The following DOCK3 variants were observed in gnomAD, a reference collection of about 807,000 sequenced individuals.
The protein encoded by DOCK3 is dedicator of cytokinesis protein 3.
In DOCK3, 60 loss-of-function variants were observed where a neutral mutation model predicts 265.6. The ratio of observed to expected loss-of-function variants is 0.23; its 90% CI spans 0.18 to 0.28. DOCK3 has a LOEUF of 0.28. Ranked by LOEUF, DOCK3 falls within the 10% of genes least tolerant of loss-of-function variation. The pLI is 1.00. For missense variants in DOCK3, 1,981 were observed against 2,594.3 expected (o/e 0.76, Z 5.14); for synonymous variants, 881 against 938.0 (o/e 0.94, Z 1.11).
At chr3:50,960,630 A>C (rs1175790159) in intron 5 of DOCK3, among the ~76,000 whole-genome samples, 1 of 152,028 alleles carries the variant, frequency 6.6e-6, no homozygotes, top group Non-Finnish European at 1.5e-5. Context: ...ATTTTCTACC[A>C]GTGTGTGGCT....
intron 23 of DOCK3, among the ~76,000 whole-genome samples, chr3:51,262,063 G>A (rs939804661): frequency 6.6e-6 from 1 of 152,234 alleles, no homozygotes; most frequent in Non-Finnish European, 1.5e-5. Flanking sequence ...CTCGAGCTCT[G>A]CTAAGGGACA....
At chr3:50,677,092 A>ACACAC (rs1174533696) in intron 1 of DOCK3, among the ~76,000 whole-genome samples, 3 of 152,334 alleles carry the variant, frequency 2.0e-5, no homozygotes, top group African/African-American at 7.2e-5. Flanking sequence ...AGCTTTAGAA[A>ACACAC]AATTGTTATT....
At chr3:50,839,931 G>T (rs1473617465) in intron 2 of DOCK3, among the ~76,000 whole-genome samples, 1 of 150,992 alleles carries the variant, frequency 6.6e-6, no homozygotes, top group Non-Finnish European at 1.5e-5. Context: ...ACCATGCCTG[G>T]CTAATTTTTG....
In DOCK3 at chr3:51,146,604, A is replaced by T. The variant is rs1213579610; in HGVS notation, c.802A>T (p.Ile268Leu). The T allele has an allele frequency of 6.3e-7, 1 of 1,595,674 alleles. No homozygotes were observed. The highest frequency in any genetic ancestry group is 8.5e-7 in the Non-Finnish European group (1 of 1,170,620). Residue 268 changes from isoleucine to leucine, a missense_variant, in exon 10 of 53, where the codon ATA becomes TTA. Coordinates refer to ENST00000266037, the MANE Select transcript of DOCK3 (RefSeq NM_004947.5). ...KNGGPRNPEK[I>L]ERMCALFTDL... ...TGGTGGGCCGAGGAACCCAGAGAAG[A>T]TAGAACGAATGTGTGCCCTTTTTAC... is the stretch of plus-strand genomic sequence containing the variant.
chr3:50,866,444 CACCG>C (rs574793831), intron 3 of DOCK3, among the ~76,000 whole-genome samples: 216 of 150,812 alleles, frequency 1.4e-3, no homozygotes, highest in African/African-American at 5.1e-3. Flanking sequence ...GAGATCATGG[CACCG>C]CACTCCAGCC....
chr3:51,089,266 A>G lies in DOCK3; in HGVS notation c.573A>G (p.Val191=), dbSNP rs748475424. 1.6e-5 allele frequency: 26 copies of G among 1,609,826 alleles called. No homozygotes were observed. The highest frequency in any genetic ancestry group is 2.2e-5 in the Non-Finnish European group (26 of 1,178,080). Residue 191 remains valine (V), a synonymous_variant, in exon 8 of 53, where the codon GTA becomes GTG. Coordinates refer to ENST00000266037, the MANE Select transcript of DOCK3 (RefSeq NM_004947.5). ...YKMHLSSRQS[V]QQSTSQVDTM... is the part of the protein sequence containing the mutation. Reference sequence around the variant, plus strand: ...AGCATTTATCTAGCCGGCAGAGTGTACAGCAAAGCACATCCCAGGTAAGCG... The same window carrying G: ...AGCATTTATCTAGCCGGCAGAGTGTGCAGCAAAGCACATCCCAGGTAAGCG...
Position 51,018,017 on chromosome 3 carries a change from C to T in DOCK3, c.316-46431C>T, listed in dbSNP as rs140882352. Among the ~76,000 whole-genome samples the T allele has an allele frequency of 2.1e-4, 32 of 151,686 alleles. No homozygotes were observed. The South Asian group carries it at 5.6e-3, about 27-fold the overall frequency. On this transcript the variant is annotated intron_variant, in intron 5 of 52. Transcript: ENST00000266037. ...AAGCGATTCTCCTACCTCAGCCTCC[C>T]GAGTACCTGGATTACAGGTGCCTGC...
At chr3:50,810,732 T>C (rs1351305280) in intron 2 of DOCK3, among the ~76,000 whole-genome samples, 1 of 152,120 alleles carries the variant, frequency 6.6e-6, no homozygotes. Flanking sequence ...AATTTTACAG[T>C]CCATATTGAT....
chr3:50,776,537 G>A (rs1025124296), intron 1 of DOCK3, among the ~76,000 whole-genome samples: 1 of 151,942 alleles, frequency 6.6e-6, no homozygotes, highest in African/African-American at 2.4e-5. Context: ...TGTTTACTCT[G>A]TTGATTATTT....
chr3:51,353,502 C>A (rs1169823163), intron 40 of DOCK3, among the ~76,000 whole-genome samples: 2 of 152,192 alleles, frequency 1.3e-5, no homozygotes, highest in Non-Finnish European at 2.9e-5. Flanking sequence ...ATCCCAGTTA[C>A]TTGAGAGGCT....
chr3:50,831,232 A>AT (rs1249437959), intron 2 of DOCK3, among the ~76,000 whole-genome samples: 6 of 140,442 alleles, frequency 4.3e-5, no homozygotes, highest in African/African-American at 7.9e-5. Context: ...TTTATTTTTA[A>AT]TTTTTTTTAT....
At position 50,786,798 on chromosome 3, in the gene DOCK3, C is replaced by G. The variant is rs2675806; in HGVS notation, c.121+8040C>G. On this transcript the variant is annotated intron_variant, in intron 2 of 52. Coordinates refer to ENST00000266037, the MANE Select transcript of DOCK3 (RefSeq NM_004947.5). The stretch of plus-strand genomic sequence containing the variant: ...TGGCACATGAACTGTTTGTGCCCAA[C>G]GTGGATGCTCATGTGGGTGTGTAGC... The G allele has an allele frequency of 5.3e-3, 3,899 of 740,004 alleles. 108 individuals carry two copies. The highest frequency in any genetic ancestry group is 0.048 in the East Asian group (1,865 of 39,168). 45.8% of individuals were successfully genotyped at this position (740,004 alleles called of 1,614,324 possible). A position where few individuals can be genotyped will look rare whatever the true frequency, so the allele number is the denominator to read the frequency against.
At chr3:50,747,888 T>C (rs1301614319) in intron 1 of DOCK3, among the ~76,000 whole-genome samples, 1 of 151,972 alleles carries the variant, frequency 6.6e-6, no homozygotes, top group African/African-American at 2.4e-5. Flanking sequence ...GGGGGTATTG[T>C]TTTTAAAAAT....
intron 4 of DOCK3, among the ~76,000 whole-genome samples, chr3:50,915,138 A>G (rs1462796233): frequency 6.6e-6 from 1 of 152,108 alleles, no homozygotes; most frequent in Non-Finnish European, 1.5e-5. Context: ...ATGGCAGGGC[A>G]CAGCACTGGC....
intron 14 of DOCK3, among the ~76,000 whole-genome samples, chr3:51,217,682 C>T (rs1428249338): frequency 2.6e-5 from 4 of 152,126 alleles, no homozygotes; most frequent in Non-Finnish European, 5.9e-5. Context: ...GATGGGCAGG[C>T]ACGACAAACA....
chr3:51,188,814 T>G (rs1370016193), intron 12 of DOCK3, among the ~76,000 whole-genome samples: 2 of 29,216 alleles, frequency 6.8e-5, no homozygotes, highest in East Asian at 2.4e-3. Context: ...TGGGTGTGTG[T>G]ATCACATTTT....
intron 5 of DOCK3, among the ~76,000 whole-genome samples, chr3:51,050,477 A>T (rs1195475037): frequency 6.6e-6 from 1 of 152,194 alleles, no homozygotes; most frequent in African/African-American, 2.4e-5. Context: ...CTCCAAAGAA[A>T]CAGAATCAAT....
rs201167954 is a variant in DOCK3, at chr3:51,317,624, GT to G, written c.3402+2497del. Among the ~76,000 whole-genome samples the G allele has an allele frequency of 1.5e-4, 19 of 128,020 alleles. No individual in the cohort carries two copies. The East Asian group carries it at 4.4e-3, about 29-fold the overall frequency. The allele number at this position is 128,020 out of a possible 152,430, so 84.0% of individuals were successfully genotyped here. A position where few individuals can be genotyped will look rare whatever the true frequency, so the allele number is the denominator to read the frequency against. On this transcript the variant is annotated intron_variant, in intron 32 of 52. Transcript: ENST00000266037. ...TAATAATAATAATAATAATAATAAT[GT>G]ATATTTAAAAATTGCTAAAAGAGTA...
intron 32 of DOCK3, among the ~76,000 whole-genome samples, chr3:51,325,627 A>C (rs1453693920): frequency 6.6e-6 from 1 of 152,158 alleles, no homozygotes; most frequent in Non-Finnish European, 1.5e-5. Context: ...GTTTACTGCG[A>C]CACTATTCAC....
Sources: allele counts gnomAD v4.1 joint callset (sites outside exome capture counted in the v4.1 genomes callset), GRCh38; gene constraint gnomAD v4.1.1; transcripts MANE v1.5; gene names NCBI Gene and HGNC (gene_info 2026-07-23, HGNC 2026-07-21).